APLP2: variants seen among roughly 807,000 people sequenced by gnomAD.
APLP2 encodes the protein amyloid beta precursor like protein 2.
A neutral mutation model predicts 89.9 loss-of-function variants in APLP2; 53 were observed. That is an observed-to-expected ratio of 0.59 (90% CI 0.47 to 0.74). The LOEUF is 0.74. Among genes scored for constraint, APLP2 ranks in the 30% least tolerant of loss-of-function variants. The probability of loss-of-function intolerance (pLI) is 0.00; values close to 1 mark genes in which losing one functional copy is unlikely to be tolerated. For synonymous variants in APLP2, 372 were observed against 348.6 expected, an observed-to-expected ratio of 1.07 and a Z score of -0.75; for missense variants, 973 against 975.9, an observed-to-expected ratio of 1.00 and a Z score of 0.04.
chr11:130,103,647 A>G (rs1947242410), intron 1 of APLP2, among the ~76,000 whole-genome samples: 1 of 152,190 alleles, frequency 6.6e-6, no homozygotes, highest in Non-Finnish European at 1.5e-5. Flanking sequence ...CATGTGGAAC[A>G]TAATCTTTGG....
At chr11:130,114,065 C>G (rs749066116) in intron 3 of APLP2, among the ~76,000 whole-genome samples, 1 of 152,118 alleles carries the variant, frequency 6.6e-6, no homozygotes, top group South Asian at 2.1e-4. Context: ...TCCTACGTAA[C>G]CGTGGTATAA....
intron 1 of APLP2, among the ~76,000 whole-genome samples, chr11:130,104,445 C>T (rs974139066): frequency 6.6e-6 from 1 of 152,026 alleles, no homozygotes; most frequent in Admixed American, 6.6e-5. Context: ...TCTCGAGCTC[C>T]TGACCTCAGA....
intron 1 of APLP2, among the ~76,000 whole-genome samples, chr11:130,084,780 G>A (rs1490618376): frequency 6.6e-6 from 1 of 151,454 alleles, no homozygotes; most frequent in South Asian, 2.1e-4. Context: ...AAAAGAATAA[G>A]CTAATCCCAA....
chr11:130,091,501 C>T (rs1329361385), intron 1 of APLP2, among the ~76,000 whole-genome samples: 2 of 140,638 alleles, frequency 1.4e-5, no homozygotes, highest in South Asian at 2.2e-4. Context: ...GGGCTGACCC[C>T]CCCACCTCCC....
At chr11:130,140,909 C>CTTTTTTTT in intron 14 of APLP2, 1 of 136,774 alleles carries the variant, frequency 7.3e-6, no homozygotes, top group African/African-American at 2.7e-5. Flanking sequence ...TTCAATGTGG[C>CTTTTTTTT]TTTTTTTTTT....
rs761038664 is a variant in APLP2, at chr11:130,110,669, T to C, written c.403+8T>C. Reference sequence around the variant, plus strand: ...CACCTTTCAAGTGTCTCGGTGAGTGTTCTTGGTTACTTTTCAGGAAGTGCC... The same window carrying C: ...CACCTTTCAAGTGTCTCGGTGAGTGCTCTTGGTTACTTTTCAGGAAGTGCC... On this transcript the variant is annotated splice_region_variant and intron_variant, in intron 3 of 16. Coordinates refer to ENST00000338167, the MANE Select transcript of APLP2 (RefSeq NM_001142276.2). 6.2e-7 allele frequency: 1 copy of C among 1,600,720 alleles called. No individual in the cohort carries two copies. Among genetic ancestry groups the C allele is most frequent in the Non-Finnish European group, 8.5e-7 (1 of 1,175,962 alleles).
chr11:130,143,989 C>T lies in APLP2; in HGVS notation c.*541C>T, dbSNP rs148281221. On this transcript the variant is annotated 3_prime_UTR_variant, in exon 17 of 17. Coordinates refer to ENST00000338167, the MANE Select transcript of APLP2 (RefSeq NM_001142276.2). ...ATGGCCACTGAAGCACGTGAGAGAC[C>T]CTCGCAAAATGATGTGAAAGGACCA... 1.3e-5 allele frequency: 2 copies of T among 152,924 alleles called. No homozygotes were observed. Among genetic ancestry groups the T allele is most frequent in the Admixed American group, 6.5e-5 (1 of 15,372 alleles). 9.5% of individuals were successfully genotyped at this position (152,924 alleles called of 1,614,324 possible).
intron 1 of APLP2, 142 bp downstream of exon 1, chr11:130,070,224 C>A: frequency 2.6e-6 from 1 of 379,718 alleles, no homozygotes; most frequent in Non-Finnish European, 4.0e-6. Context: ...CTGGCGCGCC[C>A]TCCCCCGCCC....
At chr11:130,093,312 GAACAA>G (rs1455857569) in intron 1 of APLP2, among the ~76,000 whole-genome samples, 7 of 152,050 alleles carry the variant, frequency 4.6e-5, no homozygotes, top group Admixed American at 4.6e-4. Flanking sequence ...ACATGAACGA[GAACAA>G]AACAAGAAGA....
intron 3 of APLP2, among the ~76,000 whole-genome samples, chr11:130,114,889 G>A (rs1948994988): frequency 6.6e-6 from 1 of 152,154 alleles, no homozygotes; most frequent in African/African-American, 2.4e-5. Flanking sequence ...TTTGTACCTT[G>A]GTCTGTTGGC....
chr11:130,135,688 C>T lies in APLP2; in HGVS notation c.1810C>T (p.Pro604Ser). The T allele has an allele frequency of 6.2e-7, 1 of 1,614,004 alleles. No homozygotes were observed. Among genetic ancestry groups the T allele is most frequent in the South Asian group, 1.1e-5 (1 of 91,078 alleles). The change falls in exon 13 of 17, where the codon CCC (proline) becomes TCC (serine). Residue 604 changes from proline to serine, a missense_variant. Physicochemically the swap from Pro to Ser is moderately conservative, Grantham distance 74. Transcript: ENST00000338167. ...GATCCCACCGTTCCACCCCTTCCAC[C>T]CCTTCCCAGCCCTACCTGAGAACGA... is the stretch of plus-strand genomic sequence containing the variant. ...EEIPPFHPFH[P>S]FPALPENEGS...
intron 1 of APLP2, among the ~76,000 whole-genome samples, chr11:130,100,727 G>A (rs547314901): frequency 3.3e-5 from 5 of 152,252 alleles, no homozygotes; most frequent in Admixed American, 3.3e-4. Context: ...TACTGTCTGT[G>A]AAAATAATAC....
Position 130,123,859 on chromosome 11 carries a change from A to T in APLP2, c.1090+80A>T. 6.6e-7 allele frequency: 1 copy of T among 1,510,264 alleles called. No homozygotes were observed. The highest frequency in any genetic ancestry group is 9.1e-7 in the Non-Finnish European group (1 of 1,103,720). 93.6% of individuals were successfully genotyped at this position (1,510,264 alleles called of 1,614,324 possible). On this transcript the variant is annotated intron_variant, in intron 7 of 16. Coordinates refer to ENST00000338167, the MANE Select transcript of APLP2 (RefSeq NM_001142276.2). This position sits in a 1 kb window ranked among gnomAD's most constrained non-coding sequence, Gnocchi z 4.0. ...GTCTCCCTGCCGTCTTCGTGGCTGC[A>T]TCTGTGTGGTGTCCCTGCCCACTCG... is the stretch of plus-strand genomic sequence containing the variant.
Position 130,092,524 on chromosome 11 carries a change from G to C in APLP2, c.106-16905G>C, listed in dbSNP as rs1386058994. On this transcript the variant is annotated intron_variant, in intron 1 of 16. Coordinates refer to ENST00000338167, the MANE Select transcript of APLP2 (RefSeq NM_001142276.2). ...CACTCGCGGTTAGGGGCTGGAGACC[G>C]GCCCGGCCAACACAGCGAAACCCCG... Among the ~76,000 whole-genome samples the C allele has an allele frequency of 8.3e-4, 119 of 144,166 alleles. 1 individual carries two copies. Among genetic ancestry groups the C allele is most frequent in the African/African-American group, 3.1e-3 (116 of 37,200 alleles). The allele number at this position is 144,166 out of a possible 152,430, so 94.6% of individuals were successfully genotyped here.
chr11:130,091,581 C>T (rs1945226514), intron 1 of APLP2, among the ~76,000 whole-genome samples: 2 of 140,434 alleles, frequency 1.4e-5, no homozygotes, highest in African/African-American at 2.7e-5. Flanking sequence ...GGCGGCTGGC[C>T]GGGTGGGGGG....
chr11:130,125,136 G>A (rs771421137), intron 7 of APLP2, among the ~76,000 whole-genome samples: 6 of 152,176 alleles, frequency 3.9e-5, no homozygotes, highest in African/African-American at 2.4e-5. Context: ...CAGTGGGAGC[G>A]TTTTTGTTCT....
At chr11:130,143,306 T>C (rs1952645263) in intron 16 of APLP2, 41 bp from the exon 17 acceptor site, 1 of 1,585,946 alleles carries the variant, frequency 6.3e-7, no homozygotes, top group South Asian at 1.1e-5. Context: ...TGCAGGTCTC[T>C]TCCCAGACAC....
At position 130,106,900 on chromosome 11, in the gene APLP2, G is replaced by A. The variant is rs150840797; in HGVS notation, c.106-2529G>A. Among the ~76,000 whole-genome samples the A allele has an allele frequency of 6.6e-5, 10 of 150,568 alleles. No homozygotes were observed. In the East Asian group the frequency reaches 2.1e-3, roughly 31 times the overall value. On this transcript the variant is annotated intron_variant, in intron 1 of 16. Coordinates refer to ENST00000338167, the MANE Select transcript of APLP2 (RefSeq NM_001142276.2). ...GACGGGGTTTTGCCATGTTGGACAGGCTGGTCTCGAACTCTCGACCTCGTG... is the reference window on the plus strand; with the variant it reads ...GACGGGGTTTTGCCATGTTGGACAGACTGGTCTCGAACTCTCGACCTCGTG...
At chr11:130,102,569 T>C (rs1046702404) in intron 1 of APLP2, among the ~76,000 whole-genome samples, 9 of 152,196 alleles carry the variant, frequency 5.9e-5, no homozygotes, top group Non-Finnish European at 1.3e-4. Flanking sequence ...GTAGCTTCAA[T>C]GAGGGCAGAG....
Sources: allele counts gnomAD v4.1 joint callset (sites outside exome capture counted in the v4.1 genomes callset), GRCh38; gene constraint gnomAD v4.1.1; non-coding constraint Gnocchi (gnomAD v3.1); transcripts MANE v1.5; gene names NCBI Gene and HGNC (gene_info 2026-07-23, HGNC 2026-07-21).